Variants in MRPS27 observed in about 807,000 individuals in gnomAD.
MRPS27 encodes mitochondrial ribosomal protein S27, also known as small ribosomal subunit protein mS27.
Under a neutral mutation model 48.9 loss-of-function variants are expected in MRPS27, and 43 were observed. The observed-to-expected ratio is 0.88, with a 90% confidence interval of 0.69 to 1.13. The LOEUF (loss-of-function observed/expected upper bound fraction) is 1.13, where lower values mean the gene tolerates loss of function less well. MRPS27 is among the 50% of genes most tolerant of loss of function. The pLI, the probability that MRPS27 is intolerant of heterozygous loss-of-function variation, is 0.00. For synonymous variants in MRPS27, 188 were observed against 171.9 expected, an observed-to-expected ratio of 1.09 and a Z score of -0.73; for missense variants, 467 against 476.3, an observed-to-expected ratio of 0.98 and a Z score of 0.18.
intron 4 of MRPS27, among the ~76,000 whole-genome samples, chr5:72,287,656 C>T: frequency 6.6e-6 from 1 of 151,996 alleles, no homozygotes; most frequent in East Asian, 1.9e-4. Context: ...AACAAACAAA[C>T]AAAAAAAATT....
Position 72,238,107 on chromosome 5 carries a change from G to C in MRPS27, c.303C>G (p.Cys101Trp). The C allele has an allele frequency of 6.2e-7, 1 of 1,613,412 alleles. No individual in the cohort carries two copies. The highest frequency in any genetic ancestry group is 8.5e-7 in the Non-Finnish European group (1 of 1,179,590). ...GGATAGTCCAGTTTCTCAGGTACCA[G>C]CAGTTGGGGCTGTGTCGAAACCTAA... ...YLYKFRHSPN[C>W]WYLRNWTIHT... The change falls in exon 5 of 11, where the codon TGC (cysteine) becomes TGG (tryptophan). Residue 101 changes from cysteine to tryptophan, a missense_variant. Transcript: ENST00000261413.
intron 9 of MRPS27, among the ~76,000 whole-genome samples, chr5:72,225,251 C>T (rs1747860315): frequency 1.3e-5 from 2 of 152,162 alleles, no homozygotes; most frequent in African/African-American, 4.8e-5. Context: ...AGACACCAGA[C>T]CTGACCACCT....
At chr5:72,268,614 T>G (rs1749157814) in intron 4 of MRPS27, among the ~76,000 whole-genome samples, 1 of 152,150 alleles carries the variant, frequency 6.6e-6, no homozygotes, top group African/African-American at 2.4e-5. Context: ...AACCCCAAAC[T>G]TCAAAAAATT....
intron 2 of MRPS27, among the ~76,000 whole-genome samples, chr5:72,312,795 A>G (rs1357746578): frequency 6.6e-6 from 1 of 151,490 alleles, no homozygotes; most frequent in Non-Finnish European, 1.5e-5. Flanking sequence ...TAATTTTTGT[A>G]TTTTTTAACA....
rs1163292181 is a variant in MRPS27 at position 72,220,180 on chromosome 5, T to C, written c.*729A>G. 1 of 152,870 alleles carries C rather than the reference T, an allele frequency of 6.5e-6. No individual in the cohort carries two copies. The highest frequency in any genetic ancestry group is 1.5e-5 in the Non-Finnish European group (1 of 68,200). 9.5% of individuals were successfully genotyped at this position (152,870 alleles called of 1,614,324 possible). On this transcript the variant is annotated 3_prime_UTR_variant, in exon 11 of 11. Coordinates refer to ENST00000261413, the MANE Select transcript of MRPS27 (RefSeq NM_015084.3). ...GACACAAGGTCTCAGGATGCACAGT[T>C]CACCTTGGCCTCATGTACCTGGGCT...
chr5:72,282,440 A>T (rs186772638), intron 4 of MRPS27, among the ~76,000 whole-genome samples: 3 of 152,306 alleles, frequency 2.0e-5, no homozygotes, highest in Admixed American at 2.0e-4. Flanking sequence ...TATTTTAGTT[A>T]TGCCTTTCTC....
At chr5:72,291,382 T>A (rs1160313924) in intron 4 of MRPS27, among the ~76,000 whole-genome samples, 4 of 152,222 alleles carry the variant, frequency 2.6e-5, no homozygotes, top group African/African-American at 9.6e-5. Flanking sequence ...CAGAATTAGT[T>A]TCTTACAACA....
chr5:72,315,494 T>C (rs773605300), intron 1 of MRPS27, among the ~76,000 whole-genome samples: 2 of 150,668 alleles, frequency 1.3e-5, no homozygotes, highest in Non-Finnish European at 3.0e-5. Flanking sequence ...GAGGCAGAGG[T>C]TGCAGTAAGT....
At chr5:72,289,553 T>C (rs1294792178) in intron 4 of MRPS27, among the ~76,000 whole-genome samples, 1 of 151,982 alleles carries the variant, frequency 6.6e-6, no homozygotes, top group Non-Finnish European at 1.5e-5. Context: ...TCCCAGGTAG[T>C]TGGGACTACA....
rs183814080 is a variant in MRPS27 at position 72,288,995 on chromosome 5, G to A, written c.281+6536C>T. 3.4e-3 allele frequency: 514 copies of A among 152,264 alleles called. 1 individual carries two copies. The highest frequency in any genetic ancestry group is 0.011 in the African/African-American group (460 of 41,562). 9.4% of individuals were successfully genotyped at this position (152,264 alleles called of 1,614,324 possible). ...TGGGGTGGTGCTATAGCCTTCCAAGGAACCATTGGGTATTTTTGCTTCATG... is the reference window on the plus strand; with the variant it reads ...TGGGGTGGTGCTATAGCCTTCCAAGAAACCATTGGGTATTTTTGCTTCATG... On this transcript the variant is annotated intron_variant, in intron 4 of 10. Transcript: ENST00000261413.
At chr5:72,249,480 T>C (rs1174066565) in intron 4 of MRPS27, among the ~76,000 whole-genome samples, 1 of 147,990 alleles carries the variant, frequency 6.8e-6, no homozygotes, top group Non-Finnish European at 1.5e-5. Context: ...GGTCAGGAGT[T>C]CAAGACCAGC....
Position 72,238,101 on chromosome 5 carries a change from G to C in MRPS27, c.309C>G (p.Tyr103Ter). ...YKFRHSPNCW[Y>*]LRNWTIHTWI... ...AGGTGTGGATAGTCCAGTTTCTCAG[G>C]TACCAGCAGTTGGGGCTGTGTCGAA... The change falls in exon 5 of 11, where the codon TAC (tyrosine) becomes TAG (stop). Residue 103 changes from tyrosine (Y) to a stop codon, truncating the protein, a stop_gained. Coordinates refer to ENST00000261413, the MANE Select transcript of MRPS27 (RefSeq NM_015084.3). LOFTEE classifies it high-confidence loss of function. 6.2e-7 allele frequency: 1 copy of C among 1,613,442 alleles called. No homozygotes were observed. The highest frequency in any genetic ancestry group is 2.2e-5 in the East Asian group (1 of 44,852).
intron 4 of MRPS27, among the ~76,000 whole-genome samples, chr5:72,245,056 T>C (rs1280442025): frequency 2.6e-5 from 4 of 152,190 alleles, no homozygotes; most frequent in African/African-American, 9.7e-5. Flanking sequence ...TTTACAGTCA[T>C]CACTGAGGTG....
chr5:72,295,983 ACT>A (rs1269018891), intron 3 of MRPS27, among the ~76,000 whole-genome samples: 1 of 152,178 alleles, frequency 6.6e-6, no homozygotes, highest in Non-Finnish European at 1.5e-5. Context: ...AAAAATGAAG[ACT>A]CTGATGGCTA....
chr5:72,253,792 T>C (rs1441331578), intron 4 of MRPS27, among the ~76,000 whole-genome samples: 1 of 152,232 alleles, frequency 6.6e-6, no homozygotes, highest in Non-Finnish European at 1.5e-5. Context: ...TAAGATGTAG[T>C]CTTTAAACTG....
intron 4 of MRPS27, among the ~76,000 whole-genome samples, chr5:72,242,743 A>G (rs1295606205): frequency 6.6e-6 from 1 of 150,860 alleles, no homozygotes; most frequent in Non-Finnish European, 1.5e-5. Context: ...CACCAAAAAT[A>G]GGGGGGAAAA....
At chr5:72,305,244 A>G (rs1750228765) in intron 2 of MRPS27, among the ~76,000 whole-genome samples, 1 of 152,228 alleles carries the variant, frequency 6.6e-6, no homozygotes, top group Non-Finnish European at 1.5e-5. Flanking sequence ...CCATCTCTAG[A>G]ACTTGGCAAA....
chr5:72,292,268 T>A (rs1366271308), intron 4 of MRPS27, among the ~76,000 whole-genome samples: 1 of 151,344 alleles, frequency 6.6e-6, no homozygotes. Flanking sequence ...TCATTTTTAG[T>A]TCACATTATT....
intron 4 of MRPS27, among the ~76,000 whole-genome samples, chr5:72,258,238 A>G (rs940153978): frequency 9.9e-5 from 15 of 152,170 alleles, no homozygotes; most frequent in Admixed American, 7.2e-4. Flanking sequence ...AAACCCACAC[A>G]TATAGGAGAA....
Sources: allele counts gnomAD v4.1 joint callset (sites outside exome capture counted in the v4.1 genomes callset), GRCh38; gene constraint gnomAD v4.1.1; transcripts MANE v1.5; gene names NCBI Gene and HGNC (gene_info 2026-07-23, HGNC 2026-07-21).